OOSP2: variants seen among roughly 807,000 people sequenced by gnomAD.
OOSP2 encodes the protein oocyte secreted protein 2.
Under a neutral mutation model 13.4 loss-of-function variants are expected in OOSP2, and 7 were observed. The ratio of observed to expected loss-of-function variants is 0.52; its 90% CI spans 0.30 to 0.98. The LOEUF (loss-of-function observed/expected upper bound fraction) is 0.98, where lower values mean the gene tolerates loss of function less well. Ranked by LOEUF, OOSP2 falls within the 50% of genes least tolerant of loss-of-function variation. The pLI is 0.07. For synonymous variants in OOSP2, 75 were observed against 67.2 expected (o/e 1.12, Z -0.57); for missense variants, 184 against 188.5 (o/e 0.98, Z 0.14).
At chr11:60,042,723 T>C (rs2134639031) in intron 1 of OOSP2, among the ~76,000 whole-genome samples, 1 of 152,304 alleles carries the variant, frequency 6.6e-6, no homozygotes, top group Middle Eastern at 3.4e-3. Context: ...ACAAGAATTC[T>C]ACTGTTCTAG....
Position 60,043,572 on chromosome 11 carries a change from C to T in OOSP2, c.168C>T (p.Gly56=), listed in dbSNP as rs550196664. ...CGGATGAATTACATCTGGGAATGGGCTGCCCTGCAAATCGGATACATACAT... is the reference window on the plus strand; with the variant it reads ...CGGATGAATTACATCTGGGAATGGGTTGCCCTGCAAATCGGATACATACAT... ...IFADELHLGM[G]CPANRIHTYV... The change falls in exon 2 of 4, where the codon GGC becomes GGT. Residue 56 remains glycine, a synonymous_variant. Transcript: ENST00000278855. 6.2e-6 allele frequency: 10 copies of T among 1,608,666 alleles called. No homozygotes were observed. In the East Asian group the frequency reaches 2.0e-4, roughly 32 times the overall value.
rs1462934248 is a variant in OOSP2 at position 60,047,190 on chromosome 11, A to G, written c.*117A>G. On this transcript the variant is annotated 3_prime_UTR_variant, in exon 4 of 4. Coordinates refer to ENST00000278855, the MANE Select transcript of OOSP2 (RefSeq NM_173801.5). The stretch of plus-strand genomic sequence containing the variant: ...ATCTCTCCTTAAGTCTCTGGTTTCT[A>G]AAAACCCTACTTCAGTAAAGGTCCT... 3.7e-6 allele frequency: 3 copies of G among 810,106 alleles called. No individual in the cohort carries two copies. The highest frequency in any genetic ancestry group is 2.6e-5 in the Admixed American group (1 of 38,210). The allele number at this position is 810,106 out of a possible 1,614,324, so 50.2% of individuals were successfully genotyped here. A position where few individuals can be genotyped will look rare whatever the true frequency, so the allele number is the denominator to read the frequency against.
At chr11:60,043,821 A>T in intron 2 of OOSP2, 174 bp downstream of exon 2, 1 of 460,844 alleles carries the variant, frequency 2.2e-6, no homozygotes, top group African/African-American at 1.9e-5. Context: ...TTCTGTGTGC[A>T]CAGGACCTTA....
chr11:60,044,316 G>A (rs1265919792), intron 2 of OOSP2, among the ~76,000 whole-genome samples: 2 of 152,170 alleles, frequency 1.3e-5, no homozygotes, highest in Non-Finnish European at 2.9e-5. Flanking sequence ...ACCAAACCAG[G>A]ATGAATACTC....
rs1398494578 is a variant in OOSP2, at chr11:60,040,499, T to A, written c.40T>A (p.Trp14Arg). 1 of 1,601,988 alleles carries A rather than the reference T, an allele frequency of 6.2e-7. No individual in the cohort carries two copies. The highest frequency in any genetic ancestry group is 1.7e-5 in the Admixed American group (1 of 60,000). ...EVLMLLAVLI[W>R]TGAENLHVKI... ...CTTGATGCTCCTCGCTGTCTTGATT[T>A]GGACCGGTGCTGAGAACCTCCATGG... Residue 14 changes from tryptophan to arginine, a missense_variant, in exon 1 of 4, where the codon TGG becomes AGG. Transcript: ENST00000278855.
intron 2 of OOSP2, 46 bp downstream of exon 2, chr11:60,043,693 AC>A (rs1854970638): frequency 9.4e-7 from 1 of 1,063,572 alleles, no homozygotes; most frequent in South Asian, 1.5e-5. Flanking sequence ...GTTTTGTCAG[AC>A]TTTTATGCCT....
chr11:60,040,474 C>G lies in OOSP2; in HGVS notation c.15C>G (p.Val5=). ...CGAAGGTCTCCATGGCGTTAGAAGT[C>G]TTGATGCTCCTCGCTGTCTTGATTT... The part of the protein sequence containing the change: MALE[V]LMLLAVLIWT... Residue 5 remains valine (V), a synonymous_variant, in exon 1 of 4, where the codon GTC becomes GTG. Coordinates refer to ENST00000278855, the MANE Select transcript of OOSP2 (RefSeq NM_173801.5). The G allele has an allele frequency of 6.2e-7, 1 of 1,602,060 alleles. No homozygotes were observed. Among genetic ancestry groups the G allele is most frequent in the Non-Finnish European group, 8.6e-7 (1 of 1,168,972 alleles).
intron 1 of OOSP2, among the ~76,000 whole-genome samples, chr11:60,042,184 A>C (rs1854944202): frequency 6.6e-6 from 1 of 152,256 alleles, no homozygotes; most frequent in South Asian, 2.1e-4. Context: ...AAAAAAATGC[A>C]GTGAAATCAT....
chr11:60,043,544 T>C lies in OOSP2; in HGVS notation c.140T>C (p.Phe47Ser). Residue 47 changes from phenylalanine (F) to serine (S), a missense_variant, in exon 2 of 4, where the codon TTT (phenylalanine) becomes TCT (serine). Transcript: ENST00000278855. ...PVAESRNLYIFADELHLGMGC... is the reference protein window; with the variant it reads ...PVAESRNLYISADELHLGMGC... ...GCAGAAAGCAGAAATCTGTATATAT[T>C]TGCGGATGAATTACATCTGGGAATG... 1 of 1,611,858 alleles carries C rather than the reference T, an allele frequency of 6.2e-7. No individual in the cohort carries two copies. The highest frequency in any genetic ancestry group is 8.5e-7 in the Non-Finnish European group (1 of 1,178,010).
At chr11:60,046,566 G>A (rs2134642452) in intron 3 of OOSP2, 2 of 376,066 alleles carry the variant, frequency 5.3e-6, no homozygotes, top group South Asian at 4.1e-5. Flanking sequence ...GAACTTTGCT[G>A]CCACTACAGT....
At chr11:60,040,588 A>G (rs1419517838) in intron 1 of OOSP2, 65 bp downstream of exon 1, 1 of 934,992 alleles carries the variant, frequency 1.1e-6, no homozygotes, top group African/African-American at 1.6e-5. Context: ...CTTTCCATGC[A>G]GGTGTTTTAC....
Position 60,043,570 on chromosome 11 carries a change from G to C in OOSP2, c.166G>C (p.Gly56Arg), listed in dbSNP as rs780509308. 2.5e-6 allele frequency: 4 copies of C among 1,609,372 alleles called. No homozygotes were observed. Among genetic ancestry groups the C allele is most frequent in the Non-Finnish European group, 3.4e-6 (4 of 1,175,814 alleles). Residue 56 changes from glycine to arginine, a missense_variant, in exon 2 of 4, where the codon GGC (glycine) becomes CGC (arginine). By Grantham distance (125) the Gly-to-Arg change is moderately radical. Coordinates refer to ENST00000278855, the MANE Select transcript of OOSP2 (RefSeq NM_173801.5). Reference protein sequence around the residue: ...IFADELHLGMGCPANRIHTYV... With the variant: ...IFADELHLGMRCPANRIHTYV... ...TGCGGATGAATTACATCTGGGAATGGGCTGCCCTGCAAATCGGATACATAC... is the reference window on the plus strand; with the variant it reads ...TGCGGATGAATTACATCTGGGAATGCGCTGCCCTGCAAATCGGATACATAC...
At chr11:60,044,812 G>C in intron 3 of OOSP2, 38 bp downstream of exon 3, 1 of 969,204 alleles carries the variant, frequency 1.0e-6, no homozygotes, top group Non-Finnish European at 1.6e-6. Context: ...GAATGTTTTA[G>C]CTTTACCTTT....
intron 1 of OOSP2, among the ~76,000 whole-genome samples, chr11:60,041,229 T>G (rs1301778305): frequency 6.6e-6 from 1 of 152,206 alleles, no homozygotes; most frequent in East Asian, 1.9e-4. Flanking sequence ...AACTGATACG[T>G]CAATTTCTTA....
At chr11:60,046,095 TCTGTCC>T (rs765593560) in intron 3 of OOSP2, among the ~76,000 whole-genome samples, 55 of 151,440 alleles carry the variant, frequency 3.6e-4, no homozygotes, top group Non-Finnish European at 7.5e-4. Flanking sequence ...TCTCTCTGTC[TCTGTCC>T]CTGTCTCTCT....
chr11:60,042,078 C>T (rs889268450), intron 1 of OOSP2, among the ~76,000 whole-genome samples: 1 of 152,108 alleles, frequency 6.6e-6, no homozygotes, highest in African/African-American at 2.4e-5. Context: ...GAGACAGCGC[C>T]ACTGCACTCC....
chr11:60,043,408 C>T, intron 1 of OOSP2, 61 bp from the exon 2 acceptor site: 1 of 1,123,452 alleles, frequency 8.9e-7, no homozygotes, highest in Non-Finnish European at 1.3e-6. Context: ...GTTGACTATT[C>T]TTTGAACACT....
intron 3 of OOSP2, 54 bp from the exon 4 acceptor site, chr11:60,046,890 G>A: frequency 6.7e-7 from 1 of 1,502,412 alleles, no homozygotes; most frequent in Non-Finnish European, 9.2e-7. Context: ...TGGTAAAACT[G>A]ACTTGATCCC....
chr11:60,047,307 A>G lies in OOSP2; in HGVS notation c.*234A>G, dbSNP rs1411667834. On this transcript the variant is annotated 3_prime_UTR_variant, in exon 4 of 4. Coordinates refer to ENST00000278855, the MANE Select transcript of OOSP2 (RefSeq NM_173801.5). The stretch of plus-strand genomic sequence containing the variant: ...TAACATTAACTATTAGGTAATTCAT[A>G]TTATACATTTAAGTTCTTTCTGTTC... 6.1e-6 allele frequency: 2 copies of G among 328,456 alleles called. No individual in the cohort carries two copies. The highest frequency in any genetic ancestry group is 1.1e-5 in the Non-Finnish European group (2 of 180,852). 20.3% of individuals were successfully genotyped at this position (328,456 alleles called of 1,614,324 possible).
Sources: gnomAD v4.1 joint callset for allele counts (sites outside exome capture counted in the v4.1 genomes callset) on GRCh38, gnomAD v4.1.1 for gene constraint, MANE v1.5 for transcripts, NCBI Gene and HGNC (gene_info 2026-07-23, HGNC 2026-07-21) for gene names.